The following BMP6 variants were observed in gnomAD, a reference collection of about 807,000 sequenced individuals.
The protein encoded by BMP6 is VG-1-R.
BMP6 carries 17 observed loss-of-function variants against 54.1 expected under a neutral mutation model. That is an observed-to-expected ratio of 0.31 (90% CI 0.22 to 0.47). The LOEUF (loss-of-function observed/expected upper bound fraction) is 0.47. Among genes scored for constraint, BMP6 ranks in the 20% least tolerant of loss-of-function variants. The pLI is 1.00. For synonymous variants in BMP6, 328 were observed against 291.2 expected (o/e 1.13, Z -1.28); for missense variants, 720 against 690.4 (o/e 1.04, Z -0.48).
chr6:7,855,697 T>C (rs1413844682), intron 2 of BMP6, among the ~76,000 whole-genome samples: 1 of 151,412 alleles, frequency 6.6e-6, no homozygotes, highest in Non-Finnish European at 1.5e-5. Flanking sequence ...CCCAGCTAAA[T>C]TTTTTATTTT....
chr6:7,774,110 C>A (rs1757827997), intron 1 of BMP6, among the ~76,000 whole-genome samples: 1 of 152,154 alleles, frequency 6.6e-6, no homozygotes, highest in East Asian at 1.9e-4. Context: ...CGAAACGGGT[C>A]TTAGAGGCTA....
rs145333856 is a variant in BMP6 at position 7,777,555 on chromosome 6, G to A, written c.664+49936G>A. On this transcript the variant is annotated intron_variant, in intron 1 of 6. Coordinates refer to ENST00000283147, the MANE Select transcript of BMP6 (RefSeq NM_001718.6). ...TTGAGGCCAGTTGGGTAAGAAGGAAGTGCCATGTTTCTTAGAAGACTTCTG... is the reference window on the plus strand; with the variant it reads ...TTGAGGCCAGTTGGGTAAGAAGGAAATGCCATGTTTCTTAGAAGACTTCTG... Among the ~76,000 whole-genome samples the A allele has an allele frequency of 3.9e-5, 6 of 152,262 alleles. No individual in the cohort carries two copies. The East Asian group carries it at 1.2e-3, about 29-fold the overall frequency.
intron 1 of BMP6, among the ~76,000 whole-genome samples, chr6:7,823,148 A>G (rs1758641786): frequency 6.6e-6 from 1 of 152,176 alleles, no homozygotes; most frequent in South Asian, 2.1e-4. Flanking sequence ...TACCACCACG[A>G]CACGTCCCAA....
Position 7,879,973 on chromosome 6 carries a change from C to T in BMP6, c.1282-18C>T. On this transcript the variant is annotated intron_variant, in intron 5 of 6. Transcript: ENST00000283147. ...AGTGCATGCTCATCTTTTGTTGCTT[C>T]CTTTGCATGAAATTAAGGACTGGAT... The T allele has an allele frequency of 1.9e-6, 3 of 1,608,636 alleles. No homozygotes were observed. The highest frequency in any genetic ancestry group is 2.6e-6 in the Non-Finnish European group (3 of 1,175,040).
intron 1 of BMP6, among the ~76,000 whole-genome samples, chr6:7,815,357 G>T (rs1758509594): frequency 6.6e-6 from 1 of 152,206 alleles, no homozygotes; most frequent in African/African-American, 2.4e-5. Flanking sequence ...AAATATCTGG[G>T]CTTGAATCCT....
chr6:7,812,118 AT>A (rs71805420), intron 1 of BMP6, among the ~76,000 whole-genome samples: 10,177 of 152,264 alleles, frequency 0.067, 456 homozygotes, highest in Non-Finnish European at 0.1. Context: ...AGGCTTGTAC[AT>A]TTTATATACT....
intron 4 of BMP6, among the ~76,000 whole-genome samples, chr6:7,877,708 C>G (rs1239478688): frequency 1.3e-5 from 2 of 152,128 alleles, no homozygotes; most frequent in Non-Finnish European, 2.9e-5. Flanking sequence ...GTTAGAAAAT[C>G]AAGTTCAAAC....
intron 1 of BMP6, among the ~76,000 whole-genome samples, chr6:7,840,840 C>T (rs1324046321): frequency 6.6e-6 from 1 of 152,136 alleles, no homozygotes; most frequent in Non-Finnish European, 1.5e-5. Flanking sequence ...GAACACAGCG[C>T]CGCATTCAGG....
chr6:7,832,841 T>G (rs1170216226), intron 1 of BMP6, among the ~76,000 whole-genome samples: 1 of 150,484 alleles, frequency 6.6e-6, no homozygotes, highest in Non-Finnish European at 1.5e-5. Context: ...GCAAGTATAT[T>G]GTATGAGGAA....
At chr6:7,865,353 A>G (rs996273523) in intron 4 of BMP6, among the ~76,000 whole-genome samples, 1 of 152,082 alleles carries the variant, frequency 6.6e-6, no homozygotes, top group Non-Finnish European at 1.5e-5. Context: ...GTTCATACGA[A>G]ATCTCTCCGG....
chr6:7,762,422 T>C (rs1757627011), intron 1 of BMP6, among the ~76,000 whole-genome samples: 2 of 152,250 alleles, frequency 1.3e-5, no homozygotes, highest in South Asian at 4.1e-4. Flanking sequence ...TTTAATAGTC[T>C]TTCGCAGTAG....
chr6:7,761,485 A>G (rs1757612811), intron 1 of BMP6, among the ~76,000 whole-genome samples: 1 of 152,348 alleles, frequency 6.6e-6, no homozygotes, highest in Non-Finnish European at 1.5e-5. Context: ...AGGGTGATCA[A>G]TTAATAGCAT....
chr6:7,770,213 A>C (rs999711418), intron 1 of BMP6, among the ~76,000 whole-genome samples: 1 of 152,132 alleles, frequency 6.6e-6, no homozygotes, highest in African/African-American at 2.4e-5. Flanking sequence ...GATTTATTTA[A>C]AATGGGAAAA....
chr6:7,861,744 T>C (rs927983579), intron 3 of BMP6, 145 bp downstream of exon 3: 6 of 1,263,048 alleles, frequency 4.8e-6, no homozygotes, highest in African/African-American at 3.0e-5. Context: ...ATGACTTGCA[T>C]TGAGAACCAA....
chr6:7,824,570 A>G (rs2113228067), intron 1 of BMP6, among the ~76,000 whole-genome samples: 1 of 152,330 alleles, frequency 6.6e-6, no homozygotes, highest in East Asian at 1.9e-4. Context: ...GTCTATTTGT[A>G]GTGTATTTTA....
intron 1 of BMP6, among the ~76,000 whole-genome samples, chr6:7,776,534 C>G (rs114489689): frequency 0.01 from 1,556 of 152,338 alleles, 23 homozygotes; most frequent in African/African-American, 0.036. Context: ...AGTCAACCAT[C>G]TAGTCATTAG....
intron 1 of BMP6, among the ~76,000 whole-genome samples, chr6:7,758,005 C>T (rs148104487): frequency 1.3e-5 from 2 of 152,248 alleles, no homozygotes; most frequent in Non-Finnish European, 2.9e-5. Flanking sequence ...ATTATCTTCA[C>T]AAGTTTCCTT....
chr6:7,786,421 A>C (rs1209695235), intron 1 of BMP6, among the ~76,000 whole-genome samples: 1 of 148,162 alleles, frequency 6.7e-6, no homozygotes, highest in African/African-American at 2.5e-5. Context: ...GATGTTTTAC[A>C]GTTTATTTCC....
At chr6:7,834,183 TGC>T (rs1176753915) in intron 1 of BMP6, among the ~76,000 whole-genome samples, 2 of 88,514 alleles carry the variant, frequency 2.3e-5, no homozygotes, top group African/African-American at 9.2e-5. Context: ...CAAGAACAAA[TGC>T]TTTTTTTTTT....
Sources: gnomAD v4.1 joint callset for allele counts (sites outside exome capture counted in the v4.1 genomes callset) on GRCh38, gnomAD v4.1.1 for gene constraint, MANE v1.5 for transcripts, NCBI Gene and HGNC (gene_info 2026-07-23, HGNC 2026-07-21) for gene names.